The following GPC4 variants were observed in gnomAD, a reference collection of about 807,000 sequenced individuals.
GPC4 encodes the protein glypican 4.
A neutral mutation model predicts 35.0 loss-of-function variants in GPC4; 10 were observed. That is an observed-to-expected ratio of 0.29 (90% CI 0.18 to 0.48). GPC4 has a LOEUF of 0.48. Among genes scored for constraint, GPC4 ranks in the 20% least tolerant of loss-of-function variants. The pLI is 0.99. For synonymous variants in GPC4, 167 were observed against 170.2 expected, an observed-to-expected ratio of 0.98 and a Z score of 0.15; for missense variants, 322 against 451.3, an observed-to-expected ratio of 0.71 and a Z score of 2.60.
chrX:133,371,674 G>C (rs1254333591), intron 1 of GPC4, among the ~76,000 whole-genome samples: 1 of 111,675 alleles, frequency 9.0e-6, no homozygotes. Context: ...AAAAAAAATT[G>C]CTTGAGTTGA....
intron 2 of GPC4, among the ~76,000 whole-genome samples, chrX:133,335,138 G>C (rs2068436262): frequency 9.0e-6 from 1 of 111,069 alleles, no homozygotes; most frequent in Non-Finnish European, 1.9e-5. Flanking sequence ...TTAAGTATGT[G>C]ATTAGCATAT....
intron 1 of GPC4, chrX:133,414,440 G>A (rs2068828543): frequency 1.3e-6 from 1 of 746,551 alleles, no homozygotes. Flanking sequence ...CCCGGAAAAG[G>A]AGAAGTAGCC....
chrX:133,386,802 G>A (rs1473095255), intron 1 of GPC4, among the ~76,000 whole-genome samples: 1 of 111,798 alleles, frequency 8.9e-6, no homozygotes, highest in African/African-American at 3.2e-5. Context: ...TGAGACAAAA[G>A]CCAATTTTAT....
chrX:133,393,701 T>TTTGTTC (rs2068730163), intron 1 of GPC4, among the ~76,000 whole-genome samples: 1 of 110,723 alleles, frequency 9.0e-6, no homozygotes, highest in Admixed American at 9.7e-5. Context: ...AAATTGAACT[T>TTTGTTC]AAGGAAGTTA....
intron 1 of GPC4, among the ~76,000 whole-genome samples, chrX:133,390,487 G>A (rs921154285): frequency 9.0e-6 from 1 of 111,421 alleles, no homozygotes; most frequent in Admixed American, 9.6e-5. Flanking sequence ...TGAGCTTAAC[G>A]CTATAGTTCC....
At chrX:133,329,392 A>G (rs1305750179) in intron 2 of GPC4, among the ~76,000 whole-genome samples, 2 of 112,142 alleles carry the variant, frequency 1.8e-5, no homozygotes, top group Non-Finnish European at 3.8e-5. Flanking sequence ...TAGTGGAGTC[A>G]AACATTATCC....
chrX:133,320,865 A>AC (rs772868200), intron 3 of GPC4, among the ~76,000 whole-genome samples: 3 of 108,512 alleles, frequency 2.8e-5, no homozygotes, highest in East Asian at 2.9e-4. Context: ...CAACCAACCA[A>AC]CAACAACAAC....
At chrX:133,403,489 A>AT (rs1448035839) in intron 1 of GPC4, among the ~76,000 whole-genome samples, 1 of 111,659 alleles carries the variant, frequency 9.0e-6, no homozygotes, top group Non-Finnish European at 1.9e-5. Context: ...TCCTAATACC[A>AT]TCACCTTGAG....
At chrX:133,321,768 G>A (rs1471997671) in intron 3 of GPC4, among the ~76,000 whole-genome samples, 5 of 111,847 alleles carry the variant, frequency 4.5e-5, no homozygotes, top group Non-Finnish European at 9.4e-5. Context: ...AGAAGTTCAA[G>A]AATCAGATAT....
At chrX:133,335,981 T>A (rs1461148910) in intron 2 of GPC4, among the ~76,000 whole-genome samples, 1 of 111,403 alleles carries the variant, frequency 9.0e-6, no homozygotes, top group African/African-American at 3.3e-5. Context: ...CCTTACTATA[T>A]GTCCCCAGCT....
rs148683112 is a variant in GPC4, at chrX:133,366,829, C to T, written c.161-27488G>A. Among the ~76,000 whole-genome samples the T allele has an allele frequency of 3.0e-3, 331 of 112,024 alleles. 1 individual carries two copies. The highest frequency in any genetic ancestry group is 9.9e-3 in the African/African-American group (306 of 30,876). On this transcript the variant is annotated intron_variant, in intron 1 of 8. Coordinates refer to ENST00000370828, the MANE Select transcript of GPC4 (RefSeq NM_001448.3). Reference sequence around the variant, plus strand: ...GTGGCAGATGGAAAATTGAAAGTACCTCTGATTGGTTGCTTTCCACAATCA... The same window carrying T: ...GTGGCAGATGGAAAATTGAAAGTACTTCTGATTGGTTGCTTTCCACAATCA...
intron 1 of GPC4, among the ~76,000 whole-genome samples, chrX:133,400,556 C>T (rs1204257193): frequency 8.9e-6 from 1 of 112,289 alleles, no homozygotes; most frequent in South Asian, 3.7e-4. Flanking sequence ...CTATCCCCAG[C>T]GCCTAGCAAT....
At chrX:133,398,563 G>A (rs151045070) in intron 1 of GPC4, among the ~76,000 whole-genome samples, 250 of 111,598 alleles carry the variant, frequency 2.2e-3, no homozygotes, top group African/African-American at 7.4e-3. Context: ...GAGGTCAGGA[G>A]TTCAAGACCA....
chrX:133,317,404 C>T (rs899462615), intron 3 of GPC4, among the ~76,000 whole-genome samples: 2 of 111,014 alleles, frequency 1.8e-5, no homozygotes, highest in East Asian at 5.7e-4. Context: ...TGCAAAGACT[C>T]TTTTCATATA....
intron 3 of GPC4, among the ~76,000 whole-genome samples, chrX:133,312,142 G>C (rs1032076245): frequency 5.4e-5 from 6 of 111,169 alleles, no homozygotes; most frequent in African/African-American, 2.0e-4. Flanking sequence ...TTCGAGAAAG[G>C]GGCTGGACTT....
chrX:133,365,219 C>T (rs756347313), intron 1 of GPC4, among the ~76,000 whole-genome samples: 2 of 111,429 alleles, frequency 1.8e-5, no homozygotes, highest in African/African-American at 6.5e-5. Context: ...CCTGTAGACA[C>T]ACCCTGTGGT....
chrX:133,317,071 T>G (rs6654274), intron 3 of GPC4, among the ~76,000 whole-genome samples: 1 of 111,793 alleles, frequency 8.9e-6, no homozygotes, highest in Non-Finnish European at 1.9e-5. Flanking sequence ...ACTTCCATAT[T>G]AACTCATATA....
At chrX:133,388,704 G>A (rs1168470843) in intron 1 of GPC4, among the ~76,000 whole-genome samples, 1 of 110,267 alleles carries the variant, frequency 9.1e-6, no homozygotes, top group African/African-American at 3.3e-5. Context: ...CACCGTGTTA[G>A]CCAGGATGGT....
chrX:133,303,921 G>C (rs928000552), intron 7 of GPC4, among the ~76,000 whole-genome samples: 1 of 105,098 alleles, frequency 9.5e-6, no homozygotes, highest in African/African-American at 3.5e-5. Context: ...AAGGAAGGAA[G>C]GAAGGAAGGA....
Sources: gnomAD v4.1 joint callset for allele counts (sites outside exome capture counted in the v4.1 genomes callset) on GRCh38, gnomAD v4.1.1 for gene constraint, MANE v1.5 for transcripts, NCBI Gene and HGNC (gene_info 2026-07-23, HGNC 2026-07-21) for gene names.